Variants in SPAG16 observed in about 807,000 individuals in gnomAD.
SPAG16 encodes the protein sperm-associated antigen 16 protein.
Under a neutral mutation model 80.4 loss-of-function variants are expected in SPAG16, and 86 were observed. The observed-to-expected ratio is 1.07, with a 90% CI of 0.90 to 1.28. The LOEUF (loss-of-function observed/expected upper bound fraction) is 1.28, where lower values mean the gene tolerates loss of function less well. SPAG16 is among the 50% of genes most tolerant of loss of function. The pLI, the probability that SPAG16 is intolerant of heterozygous loss-of-function variation, is 0.00. For synonymous variants in SPAG16, 294 were observed against 265.9 expected (o/e 1.11, Z -1.03); for missense variants, 870 against 765.3 (o/e 1.14, Z -1.61).
intron 14 of SPAG16, among the ~76,000 whole-genome samples, chr2:214,128,981 A>C (rs964645493): frequency 2.0e-5 from 3 of 151,740 alleles, no homozygotes; most frequent in African/African-American, 4.8e-5. Flanking sequence ...GAAATTTTTC[A>C]TTCTGTCTGT....
rs141052679 is a variant in SPAG16, at chr2:213,681,866, A to G, written c.1071-180619A>G. Among the ~76,000 whole-genome samples, 667 of 152,214 alleles carry G rather than the reference A, an allele frequency of 4.4e-3. 4 individuals are homozygous for G. The highest frequency in any genetic ancestry group is 0.015 in the African/African-American group (612 of 41,528). ...TCCCTCTTTCTTCTTTCCACTCCCCATCTGTATTTTTGACAAACTAAAGAT... is the reference window on the plus strand; with the variant it reads ...TCCCTCTTTCTTCTTTCCACTCCCCGTCTGTATTTTTGACAAACTAAAGAT... On this transcript the variant is annotated intron_variant, in intron 10 of 15. Coordinates refer to ENST00000331683, the MANE Select transcript of SPAG16 (RefSeq NM_024532.5).
At chr2:213,976,265 T>C (rs1304244461) in intron 12 of SPAG16, among the ~76,000 whole-genome samples, 2 of 145,318 alleles carry the variant, frequency 1.4e-5, no homozygotes, top group Admixed American at 7.0e-5. Context: ...TATACACACA[T>C]ATACATATGC....
intron 14 of SPAG16, among the ~76,000 whole-genome samples, chr2:214,125,666 A>G (rs1345738770): frequency 6.6e-6 from 1 of 151,776 alleles, no homozygotes; most frequent in East Asian, 1.9e-4. Flanking sequence ...TAGATTTTGG[A>G]TATTTTATCA....
intron 12 of SPAG16, among the ~76,000 whole-genome samples, chr2:213,990,641 A>G (rs940226115): frequency 2.6e-5 from 4 of 152,160 alleles, no homozygotes; most frequent in Admixed American, 2.6e-4. Context: ...GGATCATCCT[A>G]AAGGTCTTCA....
intron 15 of SPAG16, among the ~76,000 whole-genome samples, chr2:214,155,233 T>G (rs566358772): frequency 3.0e-4 from 45 of 152,204 alleles, no homozygotes; most frequent in Non-Finnish European, 5.9e-4. Flanking sequence ...AAAATCTATC[T>G]TAAGCATTAG....
chr2:213,392,305 G>A (rs947626748), intron 9 of SPAG16, among the ~76,000 whole-genome samples: 23 of 152,138 alleles, frequency 1.5e-4, no homozygotes, highest in African/African-American at 5.6e-4. Context: ...TTTCTTTGCA[G>A]CTATTATTAT....
At position 214,013,293 on chromosome 2, in the gene SPAG16, A is replaced by G. The variant is rs370435539; in HGVS notation, c.1401-658A>G. Among the ~76,000 whole-genome samples the G allele has an allele frequency of 8.6e-5, 13 of 151,718 alleles. No homozygotes were observed. In the East Asian group the frequency reaches 2.3e-3, roughly 27 times the overall value. ...TGGTGTAGAGAGATCCAATCAGGGTAGTGACTGTATCCATCACTTCATGCA... is the reference window on the plus strand; with the variant it reads ...TGGTGTAGAGAGATCCAATCAGGGTGGTGACTGTATCCATCACTTCATGCA... On this transcript the variant is annotated intron_variant, in intron 12 of 15. Coordinates refer to ENST00000331683, the MANE Select transcript of SPAG16 (RefSeq NM_024532.5).
At chr2:213,328,862 G>T (rs2063955379) in intron 5 of SPAG16, among the ~76,000 whole-genome samples, 1 of 152,160 alleles carries the variant, frequency 6.6e-6, no homozygotes, top group African/African-American at 2.4e-5. Context: ...ATTCCCACGT[G>T]TTGAGGGAGG....
rs138785346 is a variant in SPAG16, at chr2:214,078,637, C to A, written c.1528-29559C>A. Among the ~76,000 whole-genome samples the A allele has an allele frequency of 3.6e-3, 537 of 151,068 alleles. 4 individuals are homozygous for A. Among genetic ancestry groups the A allele is most frequent in the Middle Eastern group, 0.014 (4 of 290 alleles). On this transcript the variant is annotated intron_variant, in intron 13 of 15. Transcript: ENST00000331683. ...ATTTTACTTTTCTCTTTAAACAGTT[C>A]AATGAATTTGATTAGATGAGTTATT...
At chr2:213,626,696 G>A (rs1175200913) in intron 10 of SPAG16, among the ~76,000 whole-genome samples, 2 of 135,544 alleles carry the variant, frequency 1.5e-5, no homozygotes, top group African/African-American at 5.5e-5. Context: ...TGCCCAGGCT[G>A]GAGTGCAGTC....
chr2:213,613,614 A>G (rs1341537211), intron 10 of SPAG16, among the ~76,000 whole-genome samples: 3 of 152,150 alleles, frequency 2.0e-5, no homozygotes, highest in Non-Finnish European at 4.4e-5. Flanking sequence ...TATTGTAAAC[A>G]TCTCTGACAC....
chr2:213,778,396 A>G (rs2069734109), intron 10 of SPAG16, among the ~76,000 whole-genome samples: 1 of 152,162 alleles, frequency 6.6e-6, no homozygotes, highest in African/African-American at 2.4e-5. Context: ...TTAATTACTA[A>G]AGTCAAATAA....
At chr2:213,562,484 A>G (rs2059624727) in intron 10 of SPAG16, among the ~76,000 whole-genome samples, 2 of 152,232 alleles carry the variant, frequency 1.3e-5, no homozygotes, top group South Asian at 4.1e-4. Flanking sequence ...AAAATATCAT[A>G]AACTGGGTAG....
chr2:214,045,269 C>T (rs772760741), intron 13 of SPAG16, among the ~76,000 whole-genome samples: 23 of 152,100 alleles, frequency 1.5e-4, no homozygotes, highest in East Asian at 3.9e-4. Context: ...TCCTGGATGA[C>T]GTTTCTAGAT....
chr2:213,515,376 G>A (rs1001471706), intron 10 of SPAG16, among the ~76,000 whole-genome samples: 1 of 152,062 alleles, frequency 6.6e-6, no homozygotes, highest in Non-Finnish European at 1.5e-5. Context: ...TTTTACCTAA[G>A]GATAAAAACC....
chr2:214,352,651 G>T (rs914069914), intron 15 of SPAG16, among the ~76,000 whole-genome samples: 17 of 148,962 alleles, frequency 1.1e-4, no homozygotes, highest in African/African-American at 4.2e-4. Context: ...TGAAGCATCT[G>T]CCTAAGTTTT....
intron 15 of SPAG16, among the ~76,000 whole-genome samples, chr2:214,221,293 G>C (rs2058560431): frequency 6.6e-6 from 1 of 151,676 alleles, no homozygotes; most frequent in African/African-American, 2.4e-5. Context: ...TTTTTTGAAT[G>C]ATGTTTTCTT....
In SPAG16 at chr2:213,894,247, T is replaced by A. The variant is rs570024038; in HGVS notation, c.1214+31619T>A. Reference sequence around the variant, plus strand: ...CACATTAAAAAGATCATTCACTATATTTAAGTGGGATTCATCTCAGGAGTG... The same window carrying A: ...CACATTAAAAAGATCATTCACTATAATTAAGTGGGATTCATCTCAGGAGTG... On this transcript the variant is annotated intron_variant, in intron 11 of 15. Transcript: ENST00000331683. 5.3e-5 allele frequency among the ~76,000 whole-genome samples: 8 copies of A among 152,258 alleles called. No individual in the cohort carries two copies. The East Asian group carries it at 1.5e-3, about 29-fold the overall frequency.
In SPAG16 at chr2:213,873,432, T is replaced by C. The variant is rs1010565366; in HGVS notation, c.1214+10804T>C. Among the ~76,000 whole-genome samples, 8 of 151,894 alleles carry C rather than the reference T, an allele frequency of 5.3e-5. 1 individual carries two copies. The highest frequency in any genetic ancestry group is 1.9e-4 in the African/African-American group (8 of 41,422). The stretch of plus-strand genomic sequence containing the variant: ...CTCAGTAGAGCTAAAGTCAATTTTG[T>C]TGCTCTTTTCAAAAAATCAACTTTT... On this transcript the variant is annotated intron_variant, in intron 11 of 15. Coordinates refer to ENST00000331683, the MANE Select transcript of SPAG16 (RefSeq NM_024532.5).
Sources: allele counts gnomAD v4.1 joint callset (sites outside exome capture counted in the v4.1 genomes callset), GRCh38; gene constraint gnomAD v4.1.1; transcripts MANE v1.5; gene names NCBI Gene and HGNC (gene_info 2026-07-23, HGNC 2026-07-21).